Variants in PLA2G7 observed in about 807,000 individuals in gnomAD.
The protein encoded by PLA2G7 is phospholipase A2 group VII.
Under a neutral mutation model 49.6 loss-of-function variants are expected in PLA2G7, and 63 were observed. That is an observed-to-expected ratio of 1.27 (90% CI 1.04 to 1.57). The LOEUF (loss-of-function observed/expected upper bound fraction) is 1.57, where lower values mean the gene tolerates loss of function less well. Ranked by LOEUF, PLA2G7 falls within the 40% of genes most tolerant of loss-of-function variation. The pLI is 0.00. For missense variants in PLA2G7, 596 were observed against 521.2 expected (o/e 1.14, Z -1.40); for synonymous variants, 193 against 169.9 (o/e 1.14, Z -1.06).
At chr6:46,719,653 C>A (rs1765329981) in intron 2 of PLA2G7, among the ~76,000 whole-genome samples, 1 of 152,110 alleles carries the variant, frequency 6.6e-6, no homozygotes, top group African/African-American at 2.4e-5. Flanking sequence ...AGCTATAATC[C>A]TCTGGCCTAG....
Position 46,704,468 on chromosome 6 carries a change from T to TCC in PLA2G7, c.*91_*92insGG. Reference sequence around the variant, plus strand: ...CTCTCTCTCTCTCTCTCTCTCTCTCTCTCTCTCTCTCACACACACACACAC... The same window carrying TCC: ...CTCTCTCTCTCTCTCTCTCTCTCTCTCCCTCTCTCTCTCACACACACACACAC... On this transcript the variant is annotated 3_prime_UTR_variant, in exon 12 of 12. Coordinates refer to ENST00000274793, the MANE Select transcript of PLA2G7 (RefSeq NM_005084.4). The TCC allele has an allele frequency of 2.4e-6, 1 of 421,112 alleles. No homozygotes were observed. Among genetic ancestry groups the TCC allele is most frequent in the Non-Finnish European group, 4.1e-6 (1 of 245,114 alleles). The allele number at this position is 421,112 out of a possible 1,614,324, so 26.1% of individuals were successfully genotyped here. A position where few individuals can be genotyped will look rare whatever the true frequency, so the allele number is the denominator to read the frequency against.
chr6:46,713,021 T>C (rs956163014), intron 5 of PLA2G7, among the ~76,000 whole-genome samples: 4 of 152,206 alleles, frequency 2.6e-5, no homozygotes, highest in Non-Finnish European at 4.4e-5. Flanking sequence ...GTATGCTACC[T>C]CATCAGTGAG....
In PLA2G7 at chr6:46,722,936, G is replaced by T; in HGVS notation, c.-34-11C>A. 1 of 1,119,604 alleles carries T rather than the reference G, an allele frequency of 8.9e-7. No homozygotes were observed. Among genetic ancestry groups the T allele is most frequent in the Non-Finnish European group, 1.4e-6 (1 of 736,550 alleles). The allele number at this position is 1,119,604 out of a possible 1,614,324, so 69.4% of individuals were successfully genotyped here. On this transcript the variant is annotated splice_polypyrimidine_tract_variant and intron_variant, in intron 1 of 11. Transcript: ENST00000274793. ...TTTCAGCTTAGTCTCCTTCGAAGCA[G>T]ATGATTAAAAGAAAAAAGAAGTATG...
At chr6:46,721,866 A>G (rs572425536) in intron 2 of PLA2G7, among the ~76,000 whole-genome samples, 5 of 152,202 alleles carry the variant, frequency 3.3e-5, no homozygotes, top group South Asian at 2.1e-4. Context: ...TGCAAATGCT[A>G]TCGTAAGGAG....
At chr6:46,706,520 T>C (rs1283289909) in intron 10 of PLA2G7, among the ~76,000 whole-genome samples, 1 of 152,170 alleles carries the variant, frequency 6.6e-6, no homozygotes, top group Non-Finnish European at 1.5e-5. Flanking sequence ...TCAGCAATGT[T>C]GAACAGATGC....
chr6:46,722,958 T>G (rs1765448060), intron 1 of PLA2G7, 33 bp from the exon 2 acceptor site: 1 of 909,546 alleles, frequency 1.1e-6, no homozygotes, highest in Non-Finnish European at 1.8e-6. Flanking sequence ...AAAAAAGAAG[T>G]ATGCAATGAA....
At chr6:46,706,550 C>T (rs1764836024) in intron 10 of PLA2G7, among the ~76,000 whole-genome samples, 1 of 152,194 alleles carries the variant, frequency 6.6e-6, no homozygotes, top group Non-Finnish European at 1.5e-5. Context: ...GGTTGAGACT[C>T]TGAAGAGGCT....
At position 46,731,467 on chromosome 6, in the gene PLA2G7, T is replaced by C. The variant is rs45438399; in HGVS notation, c.-35+3713A>G. Among the ~76,000 whole-genome samples the C allele has an allele frequency of 5.8e-3, 890 of 152,300 alleles. 4 individuals are homozygous for C. Among genetic ancestry groups the C allele is most frequent in the Non-Finnish European group, 9.1e-3 (622 of 68,020 alleles). Reference sequence around the variant, plus strand: ...TTTTTCCCATTCCCAGCTTTAATTATTCTATTTTTGAATTTTTATCTGACC... The same window carrying C: ...TTTTTCCCATTCCCAGCTTTAATTACTCTATTTTTGAATTTTTATCTGACC... On this transcript the variant is annotated intron_variant, in intron 1 of 11. Coordinates refer to ENST00000274793, the MANE Select transcript of PLA2G7 (RefSeq NM_005084.4).
chr6:46,719,453 G>A (rs534713091), intron 2 of PLA2G7, among the ~76,000 whole-genome samples: 2 of 152,302 alleles, frequency 1.3e-5, no homozygotes, highest in Admixed American at 1.3e-4. Context: ...CAGAAAAGGA[G>A]TGCCCATTAA....
At chr6:46,723,841 G>T (rs570027275) in intron 1 of PLA2G7, among the ~76,000 whole-genome samples, 41 of 152,258 alleles carry the variant, frequency 2.7e-4, no homozygotes, top group African/African-American at 9.4e-4. Flanking sequence ...TGTTACGGGG[G>T]AGAAGCCATT....
At position 46,704,241 on chromosome 6, in the gene PLA2G7, CAAAGT is replaced by C; in HGVS notation, c.*314_*318del. The C allele has an allele frequency of 3.5e-6, 1 of 284,640 alleles. No homozygotes were observed. Among genetic ancestry groups the C allele is most frequent in the South Asian group, 4.0e-5 (1 of 25,248 alleles). The allele number at this position is 284,640 out of a possible 1,614,324, so 17.6% of individuals were successfully genotyped here. A position where few individuals can be genotyped will look rare whatever the true frequency, so the allele number is the denominator to read the frequency against. ...TGCCTGTTTTAATCTACTTGTCTGT[CAAAGT>C]AATGTAAAAACAGTTTTTAACTTCG... On this transcript the variant is annotated 3_prime_UTR_variant, in exon 12 of 12. Coordinates refer to ENST00000274793, the MANE Select transcript of PLA2G7 (RefSeq NM_005084.4).
intron 10 of PLA2G7, among the ~76,000 whole-genome samples, chr6:46,707,488 C>A (rs1256523595): frequency 1.3e-5 from 2 of 152,102 alleles, no homozygotes; most frequent in Non-Finnish European, 2.9e-5. Flanking sequence ...TCACACCATC[C>A]CCCTTGGTGC....
In PLA2G7 at chr6:46,709,405, CT is replaced by C; in HGVS notation, c.790del (p.Arg264GlyfsTer4). 1.3e-6 allele frequency: 2 copies of C among 1,588,984 alleles called. No homozygotes were observed. The highest frequency in any genetic ancestry group is 1.7e-6 in the Non-Finnish European group (2 of 1,157,694). ...DMEQLKDSID[R>X]EKIAVIGHSF... ...ATGTCCAATTACTGCTATTTTTTCCCTATCAATAGAGTCCTATTTGAAAAAG... is the reference window on the plus strand; with the variant it reads ...ATGTCCAATTACTGCTATTTTTTCCCATCAATAGAGTCCTATTTGAAAAAG... On this transcript the variant is annotated frameshift_variant, in exon 9 of 12. Coordinates refer to ENST00000274793, the MANE Select transcript of PLA2G7 (RefSeq NM_005084.4). LOFTEE classifies it high-confidence loss of function.
chr6:46,713,143 GT>G (rs1765086076), intron 5 of PLA2G7, among the ~76,000 whole-genome samples: 1 of 152,302 alleles, frequency 6.6e-6, no homozygotes, highest in South Asian at 2.1e-4. Flanking sequence ...GAAAAATCAT[GT>G]GCTAAGCACT....
intron 5 of PLA2G7, among the ~76,000 whole-genome samples, chr6:46,712,650 A>C (rs1765066802): frequency 6.6e-6 from 1 of 152,222 alleles, no homozygotes; most frequent in African/African-American, 2.4e-5. Flanking sequence ...CCAAAATGTC[A>C]AGACTACTAA....
intron 2 of PLA2G7, among the ~76,000 whole-genome samples, chr6:46,717,525 C>T (rs1405912443): frequency 1.3e-5 from 2 of 151,988 alleles, no homozygotes; most frequent in African/African-American, 4.8e-5. Flanking sequence ...AAACTAGTTT[C>T]CAAAATGAAA....
rs369097718 is a variant in PLA2G7 at position 46,717,037 on chromosome 6, G to A, written c.169C>T (p.Pro57Ser). The A allele has an allele frequency of 8.7e-6, 14 of 1,613,388 alleles. No homozygotes were observed. The African/African-American group carries it at 9.3e-5, about 11-fold the overall frequency. Residue 57 changes from proline (P) to serine (S), a missense_variant, in exon 3 of 12, where the codon CCC (proline) becomes TCC (serine). Pro to Ser is a moderately conservative substitution (Grantham distance 74). Transcript: ENST00000274793. ...ACGGAATAAGGCCCATTTCCCCGGG[G>A]GATTTTAGTTTGGCCAAAGCTTGCA... ...AAASFGQTKI[P>S]RGNGPYSVGC...
intron 1 of PLA2G7, among the ~76,000 whole-genome samples, chr6:46,724,960 T>C (rs1765524742): frequency 6.6e-6 from 1 of 152,212 alleles, no homozygotes; most frequent in South Asian, 2.1e-4. Context: ...ACAACTGTGG[T>C]AAGTACCAGA....
At chr6:46,727,005 C>T (rs976261663) in intron 1 of PLA2G7, among the ~76,000 whole-genome samples, 1 of 152,132 alleles carries the variant, frequency 6.6e-6, no homozygotes, top group African/African-American at 2.4e-5. Flanking sequence ...CTGAAAATAA[C>T]TATCTTCAAT....
Sources: allele counts gnomAD v4.1 joint callset (sites outside exome capture counted in the v4.1 genomes callset), GRCh38; gene constraint gnomAD v4.1.1; transcripts MANE v1.5; gene names NCBI Gene and HGNC (gene_info 2026-07-23, HGNC 2026-07-21).